The following RAP1B variants were observed in gnomAD, a reference collection of about 807,000 sequenced individuals.
RAP1B encodes the protein ras-related protein Rap-1b.
Under a neutral mutation model 27.5 loss-of-function variants are expected in RAP1B, and 1 was observed. The observed-to-expected ratio is 0.04, with a 90% CI of 0.01 to 0.17. RAP1B has a LOEUF of 0.17. RAP1B is among the 10% of genes least tolerant of loss of function. The pLI, the probability that RAP1B is intolerant of heterozygous loss-of-function variation, is 1.00. For synonymous variants in RAP1B, 75 were observed against 73.1 expected, an observed-to-expected ratio of 1.03 and a Z score of -0.13; for missense variants, 84 against 214.8, an observed-to-expected ratio of 0.39 and a Z score of 3.81.
intron 1 of RAP1B, among the ~76,000 whole-genome samples, chr12:68,612,004 C>T (rs895559875): frequency 6.6e-6 from 1 of 152,192 alleles, no homozygotes; most frequent in African/African-American, 2.4e-5. Context: ...CCCTCTCCCA[C>T]TCTCTTTAAT....
intron 5 of RAP1B, among the ~76,000 whole-genome samples, chr12:68,655,557 A>T (rs1296914405): frequency 8.0e-6 from 1 of 125,662 alleles, no homozygotes; most frequent in African/African-American, 3.0e-5. Flanking sequence ...TTTTTTTGAG[A>T]CGGAGTCTCA....
chr12:68,616,324 A>T (rs1871005472), intron 1 of RAP1B, among the ~76,000 whole-genome samples: 5 of 140,504 alleles, frequency 3.6e-5, no homozygotes, highest in Non-Finnish European at 7.7e-5. Context: ...TCGCTCTGTC[A>T]GTCAGGCTGG....
At chr12:68,634,251 A>G (rs367953369) in intron 1 of RAP1B, among the ~76,000 whole-genome samples, 63 of 152,222 alleles carry the variant, frequency 4.1e-4, no homozygotes, top group South Asian at 6.2e-4. Flanking sequence ...CACATTTTGC[A>G]TAGGGTAAGT....
intron 4 of RAP1B, among the ~76,000 whole-genome samples, chr12:68,653,903 C>T (rs1440169734): frequency 6.6e-6 from 1 of 151,300 alleles, no homozygotes; most frequent in Non-Finnish European, 1.5e-5. Context: ...TGCACTCCAG[C>T]GTGGTGACAG....
In RAP1B at chr12:68,659,685, A is replaced by G. The variant is rs1363681658; in HGVS notation, c.*436A>G. ...GCTCCTATATAGACTACTCCAGATAACTTCGCTTCTTTGATACTTGTAGCT... is the reference window on the plus strand; with the variant it reads ...GCTCCTATATAGACTACTCCAGATAGCTTCGCTTCTTTGATACTTGTAGCT... On this transcript the variant is annotated 3_prime_UTR_variant, in exon 8 of 8. Coordinates refer to ENST00000250559, the MANE Select transcript of RAP1B (RefSeq NM_001010942.3). The G allele has an allele frequency of 6.6e-6, 1 of 152,412 alleles. No individual in the cohort carries two copies. Among genetic ancestry groups the G allele is most frequent in the East Asian group, 1.9e-4 (1 of 5,206 alleles). 9.4% of individuals were successfully genotyped at this position (152,412 alleles called of 1,614,324 possible). A position where few individuals can be genotyped will look rare whatever the true frequency, so the allele number is the denominator to read the frequency against.
chr12:68,620,363 G>C (rs1196039653), intron 1 of RAP1B, among the ~76,000 whole-genome samples: 1 of 151,506 alleles, frequency 6.6e-6, no homozygotes, highest in Non-Finnish European at 1.5e-5. Context: ...AGCTGGGATT[G>C]CAGGCACCAC....
At chr12:68,646,327 G>T (rs1195969807) in intron 1 of RAP1B, among the ~76,000 whole-genome samples, 1 of 150,842 alleles carries the variant, frequency 6.6e-6, no homozygotes, top group Non-Finnish European at 1.5e-5. Flanking sequence ...ATGGAGTGTT[G>T]CAGTCTCACC....
chr12:68,662,124 A>G lies in RAP1B; in HGVS notation c.*2875A>G, dbSNP rs970583327. On this transcript the variant is annotated 3_prime_UTR_variant, in exon 8 of 8. Transcript: ENST00000250559. ...CTATATATATAATTTATTTTTTTCA[A>G]TGCTGATAGGAATAAGGCTGTGGTT... The G allele has an allele frequency of 2.7e-5, 4 of 149,972 alleles. No individual in the cohort carries two copies. Among genetic ancestry groups the G allele is most frequent in the East Asian group, 1.9e-4 (1 of 5,166 alleles). 9.3% of individuals were successfully genotyped at this position (149,972 alleles called of 1,614,324 possible). A position where few individuals can be genotyped will look rare whatever the true frequency, so the allele number is the denominator to read the frequency against.
At chr12:68,646,760 A>G (rs1873438220) in intron 1 of RAP1B, among the ~76,000 whole-genome samples, 1 of 152,244 alleles carries the variant, frequency 6.6e-6, no homozygotes, top group African/African-American at 2.4e-5. Flanking sequence ...TCCATTTGTT[A>G]GTGAACATGC....
chr12:68,626,979 T>C (rs1340820893), intron 1 of RAP1B: 3 of 1,535,342 alleles, frequency 2.0e-6, no homozygotes, highest in Non-Finnish European at 1.8e-6. Context: ...TTCAAACTCA[T>C]TGGCATTGAA....
chr12:68,636,314 A>G (rs1441842527), intron 1 of RAP1B, among the ~76,000 whole-genome samples: 1 of 152,250 alleles, frequency 6.6e-6, no homozygotes, highest in African/African-American at 2.4e-5. Context: ...ATCAGGTTAC[A>G]AAGTTATGAG....
chr12:68,634,901 C>G (rs552509057), intron 1 of RAP1B, among the ~76,000 whole-genome samples: 1 of 152,172 alleles, frequency 6.6e-6, no homozygotes, highest in Non-Finnish European at 1.5e-5. Context: ...CAGTATTAAT[C>G]CATGAAAAGG....
At chr12:68,630,629 A>T (rs1872165920) in intron 1 of RAP1B, among the ~76,000 whole-genome samples, 1 of 151,798 alleles carries the variant, frequency 6.6e-6, no homozygotes, top group Admixed American at 6.6e-5. Context: ...TTAACTGAGT[A>T]TGGTTTTGGG....
At chr12:68,623,489 T>A (rs1223403586) in intron 1 of RAP1B, among the ~76,000 whole-genome samples, 1 of 152,202 alleles carries the variant, frequency 6.6e-6, no homozygotes, top group Non-Finnish European at 1.5e-5. Flanking sequence ...GTGCCAGGTA[T>A]TTTTGGATTT....
At position 68,668,696 on chromosome 12, in the gene RAP1B, CAGGT is replaced by C. The variant is rs1020820763; in HGVS notation, c.*9451_*9454del. 78 of 152,202 alleles carry C rather than the reference CAGGT, an allele frequency of 5.1e-4. No individual in the cohort carries two copies. The highest frequency in any genetic ancestry group is 1.4e-3 in the African/African-American group (60 of 41,528). The allele number at this position is 152,202 out of a possible 1,614,324, so 9.4% of individuals were successfully genotyped here. On this transcript the variant is annotated 3_prime_UTR_variant, in exon 8 of 8. Coordinates refer to ENST00000250559, the MANE Select transcript of RAP1B (RefSeq NM_001010942.3). Reference sequence around the variant, plus strand: ...ACAAATAGAAGTTTAAGAAAGCTGTCAGGTAGGCGCCTCAAATTCATTTAAAATG... The same window carrying C: ...ACAAATAGAAGTTTAAGAAAGCTGTCAGGCGCCTCAAATTCATTTAAAATG...
chr12:68,628,071 C>G (rs1871945099), intron 1 of RAP1B, among the ~76,000 whole-genome samples: 1 of 152,144 alleles, frequency 6.6e-6, no homozygotes, highest in Non-Finnish European at 1.5e-5. Context: ...CACCTCTGCA[C>G]TCTAGCCTGG....
rs1402811970 is a variant in RAP1B at position 68,668,561 on chromosome 12, T to G, written c.*9312T>G. ...ACCAAAACAGATTTAATGTCTAAAC[T>G]TAAATCTAGTTTGACATTAACTTCT... On this transcript the variant is annotated 3_prime_UTR_variant, in exon 8 of 8. Coordinates refer to ENST00000250559, the MANE Select transcript of RAP1B (RefSeq NM_001010942.3). 1 of 152,206 alleles carries G rather than the reference T, an allele frequency of 6.6e-6. No individual in the cohort carries two copies. Among genetic ancestry groups the G allele is most frequent in the African/African-American group, 2.4e-5 (1 of 41,458 alleles). The allele number at this position is 152,206 out of a possible 1,614,324, so 9.4% of individuals were successfully genotyped here.
chr12:68,642,876 A>AG (rs1873120751), intron 1 of RAP1B: 2 of 987,620 alleles, frequency 2.0e-6, no homozygotes, highest in Non-Finnish European at 3.3e-6. Flanking sequence ...GCCAACCTGG[A>AG]GGTGAGGGTC....
chr12:68,632,122 TG>T (rs1872283771), intron 1 of RAP1B, among the ~76,000 whole-genome samples: 1 of 148,930 alleles, frequency 6.7e-6, no homozygotes, highest in African/African-American at 2.5e-5. Context: ...TTTTGGGTTT[TG>T]GATTTGTTTT....
Sources: gnomAD v4.1 joint callset for allele counts (sites outside exome capture counted in the v4.1 genomes callset) on GRCh38, gnomAD v4.1.1 for gene constraint, MANE v1.5 for transcripts, NCBI Gene and HGNC (gene_info 2026-07-23, HGNC 2026-07-21) for gene names.